Variants in DSCAM observed in about 807,000 individuals in gnomAD.
DSCAM encodes cell adhesion molecule DSCAM.
DSCAM carries 47 observed loss-of-function variants against 217.7 expected under a neutral mutation model. That is an observed-to-expected ratio of 0.22 (90% CI 0.17 to 0.28). DSCAM has a LOEUF of 0.28. Among genes scored for constraint, DSCAM ranks in the 10% least tolerant of loss-of-function variants. The pLI, the probability that DSCAM is intolerant of heterozygous loss-of-function variation, is 1.00. For missense variants in DSCAM, 2,080 were observed against 2,618.3 expected, an observed-to-expected ratio of 0.79 and a Z score of 4.49; for synonymous variants, 1,056 against 1,015.3, an observed-to-expected ratio of 1.04 and a Z score of -0.76.
chr21:40,436,617 T>A (rs895264946), intron 3 of DSCAM, among the ~76,000 whole-genome samples: 2 of 152,156 alleles, frequency 1.3e-5, no homozygotes, highest in African/African-American at 4.8e-5. Context: ...TGAGACTTGT[T>A]TGGCAGAACA....
At chr21:40,232,554 C>T (rs2091391555) in intron 11 of DSCAM, among the ~76,000 whole-genome samples, 1 of 152,096 alleles carries the variant, frequency 6.6e-6, no homozygotes, top group Admixed American at 6.6e-5. Flanking sequence ...AAGCTACTGC[C>T]CAAGCTGTTT....
At position 40,254,374 on chromosome 21, in the gene DSCAM, G is replaced by A. The variant is rs192371392; in HGVS notation, c.2356+21723C>T. On this transcript the variant is annotated intron_variant, in intron 11 of 32. Coordinates refer to ENST00000400454, the MANE Select transcript of DSCAM (RefSeq NM_001389.5). ...GGAAATAAGTAAAAGCTCAGAACCC[G>A]GTGGAAGGTGGTGATGGGAGCAAAT... Among the ~76,000 whole-genome samples the A allele has an allele frequency of 4.8e-3, 738 of 152,248 alleles. 2 individuals are homozygous for A. The highest frequency in any genetic ancestry group is 8.5e-3 in the Non-Finnish European group (581 of 68,014).
At chr21:40,210,979 C>A (rs1023767455) in intron 11 of DSCAM, among the ~76,000 whole-genome samples, 2 of 152,234 alleles carry the variant, frequency 1.3e-5, no homozygotes, top group African/African-American at 4.8e-5. Context: ...AACTATTCCA[C>A]ACCACAGAAG....
intron 3 of DSCAM, among the ~76,000 whole-genome samples, chr21:40,585,179 C>CTTTCTTTTTTTTTTTTTTTT: frequency 6.9e-6 from 1 of 145,936 alleles, no homozygotes; most frequent in African/African-American, 2.5e-5. Context: ...AAATCAACTT[C>CTTTCTTTTTTTTTTTTTTTT]TTTTTTTTTT....
chr21:40,512,799 G>T (rs545819089), intron 3 of DSCAM, among the ~76,000 whole-genome samples: 1 of 151,760 alleles, frequency 6.6e-6, no homozygotes, highest in Non-Finnish European at 1.5e-5. Flanking sequence ...GCACAACTGC[G>T]TCCCTAGTGG....
chr21:40,266,636 TATATATATATATATATATATA>T (rs2073532593), intron 11 of DSCAM, among the ~76,000 whole-genome samples: 1 of 23,620 alleles, frequency 4.2e-5, no homozygotes, highest in Admixed American at 2.7e-4. Flanking sequence ...AAAGATGTTT[TATATATATATATATATATATA>T]TATATATATA....
chr21:40,276,759 C>T (rs879489912), intron 10 of DSCAM, among the ~76,000 whole-genome samples: 2 of 152,134 alleles, frequency 1.3e-5, no homozygotes, highest in East Asian at 1.9e-4. Context: ...TTCTCTTTAA[C>T]GGTGGTTATA....
intron 32 of DSCAM, among the ~76,000 whole-genome samples, chr21:40,020,540 AGAGAGAG>A (rs1379953361): frequency 1.3e-5 from 2 of 151,928 alleles, no homozygotes; most frequent in East Asian, 3.9e-4. Flanking sequence ...TGAGAGAGAG[AGAGAGAG>A]GAGAGAGATA....
intron 28 of DSCAM, among the ~76,000 whole-genome samples, chr21:40,056,221 C>G (rs116379269): frequency 0.036 from 5,453 of 152,176 alleles, 166 homozygotes; most frequent in African/African-American, 0.078. Context: ...GAATAAAGCA[C>G]CAGATATTCC....
intron 32 of DSCAM, among the ~76,000 whole-genome samples, chr21:40,029,048 A>G (rs1164804336): frequency 6.6e-6 from 1 of 152,214 alleles, no homozygotes; most frequent in Non-Finnish European, 1.5e-5. Flanking sequence ...TCCATAAGGG[A>G]TGACTATTCC....
intron 1 of DSCAM, among the ~76,000 whole-genome samples, chr21:40,772,896 C>T (rs958003720): frequency 3.3e-5 from 5 of 152,342 alleles, no homozygotes; most frequent in African/African-American, 4.8e-5. Context: ...GACCCTGTCC[C>T]GGAGAGCTGT....
intron 30 of DSCAM, among the ~76,000 whole-genome samples, chr21:40,049,263 T>C (rs1327018784): frequency 3.3e-5 from 5 of 152,200 alleles, no homozygotes; most frequent in African/African-American, 1.2e-4. Flanking sequence ...CCCTGAAAGA[T>C]GAGGACAGCT....
At chr21:40,514,311 T>C (rs1232520423) in intron 3 of DSCAM, among the ~76,000 whole-genome samples, 3 of 152,202 alleles carry the variant, frequency 2.0e-5, no homozygotes, top group Non-Finnish European at 2.9e-5. Flanking sequence ...AGCCATCCAA[T>C]GCTTCATCAT....
chr21:40,056,390 C>T (rs1236104720), intron 28 of DSCAM, among the ~76,000 whole-genome samples: 1 of 152,146 alleles, frequency 6.6e-6, no homozygotes, highest in Non-Finnish European at 1.5e-5. Flanking sequence ...ACTGATAGTA[C>T]ATTTTAGAAT....
intron 1 of DSCAM, among the ~76,000 whole-genome samples, chr21:40,709,539 TCCA>T (rs1224829216): frequency 2.6e-5 from 4 of 152,126 alleles, no homozygotes; most frequent in African/African-American, 9.7e-5. Flanking sequence ...CCTCCCTGTG[TCCA>T]CGTGTTCTCA....
At chr21:40,252,905 C>T (rs900393678) in intron 11 of DSCAM, among the ~76,000 whole-genome samples, 4 of 152,248 alleles carry the variant, frequency 2.6e-5, no homozygotes, top group Admixed American at 6.5e-5. Context: ...TGCTAAGGCT[C>T]GAGTTGTCTG....
At chr21:40,697,321 CAG>C (rs1039938214) in intron 2 of DSCAM, among the ~76,000 whole-genome samples, 3 of 151,870 alleles carry the variant, frequency 2.0e-5, no homozygotes, top group Admixed American at 6.5e-5. Context: ...CTTTGCTGTG[CAG>C]AGTTTTTCTG....
chr21:40,595,557 C>T (rs1452585894), intron 3 of DSCAM, among the ~76,000 whole-genome samples: 1 of 152,010 alleles, frequency 6.6e-6, no homozygotes, highest in Non-Finnish European at 1.5e-5. Flanking sequence ...CAAGCTCTGC[C>T]CTGAAGGCCA....
chr21:40,524,583 A>G (rs537365814), intron 3 of DSCAM, among the ~76,000 whole-genome samples: 2 of 152,208 alleles, frequency 1.3e-5, no homozygotes, highest in Admixed American at 1.3e-4. Flanking sequence ...CTAAACATAG[A>G]ATCTGGACAA....
Sources: gnomAD v4.1 joint callset for allele counts (sites outside exome capture counted in the v4.1 genomes callset) on GRCh38, gnomAD v4.1.1 for gene constraint, MANE v1.5 for transcripts, NCBI Gene and HGNC (gene_info 2026-07-23, HGNC 2026-07-21) for gene names.